TEK: variants seen among roughly 807,000 people sequenced by gnomAD.
TEK encodes TEK receptor tyrosine kinase.
Under a neutral mutation model 131.8 loss-of-function variants are expected in TEK, and 43 were observed. The ratio of observed to expected loss-of-function variants is 0.33; its 90% CI spans 0.26 to 0.42. TEK has a LOEUF of 0.42. Ranked by LOEUF, TEK falls within the 10% of genes least tolerant of loss-of-function variation. The probability of loss-of-function intolerance (pLI) is 1.00; values close to 1 mark genes in which losing one functional copy is unlikely to be tolerated. For synonymous variants in TEK, 580 were observed against 491.6 expected (o/e 1.18, Z -2.38); for missense variants, 1,162 against 1,384.4 (o/e 0.84, Z 2.55).
intron 8 of TEK, among the ~76,000 whole-genome samples, chr9:27,184,790 T>G (rs965517624): frequency 1.3e-5 from 2 of 152,090 alleles, no homozygotes; most frequent in Non-Finnish European, 2.9e-5. Context: ...GCAATCCCAG[T>G]GCTTTGGAAG....
Position 27,213,372 on chromosome 9 carries a change from G to T in TEK, c.2878-112G>T. On this transcript the variant is annotated intron_variant, in intron 17 of 22. Coordinates refer to ENST00000380036, the MANE Select transcript of TEK (RefSeq NM_000459.5). ...AGGGGAACTTTAAGGGAACTGGATT[G>T]TGACTGTTTAAAATCCTTTTTTATA... 1.4e-5 allele frequency: 11 copies of T among 773,502 alleles called. No individual in the cohort carries two copies. In the South Asian group the frequency reaches 1.6e-4, roughly 11 times the overall value. 47.9% of individuals were successfully genotyped at this position (773,502 alleles called of 1,614,324 possible). A position where few individuals can be genotyped will look rare whatever the true frequency, so the allele number is the denominator to read the frequency against.
intron 1 of TEK, among the ~76,000 whole-genome samples, chr9:27,145,612 T>C (rs1416170448): frequency 6.6e-6 from 1 of 152,254 alleles, no homozygotes; most frequent in Admixed American, 6.5e-5. Context: ...ACCAAAGTTC[T>C]TAATGACTCC....
intron 21 of TEK, among the ~76,000 whole-genome samples, chr9:27,221,400 C>T (rs1398896409): frequency 6.6e-6 from 1 of 152,234 alleles, no homozygotes; most frequent in Non-Finnish European, 1.5e-5. Flanking sequence ...GTGGATCTCC[C>T]AGCACAGCAC....
Position 27,229,274 on chromosome 9 carries a change from T to C in TEK, c.*42T>C. ...ACCCTCTGTTTCCCTTTCACTGGCA[T>C]GGGAGACCCTTGACACCTGCTGAGA... On this transcript the variant is annotated 3_prime_UTR_variant, in exon 23 of 23. Coordinates refer to ENST00000380036, the MANE Select transcript of TEK (RefSeq NM_000459.5). 6.3e-7 allele frequency: 1 copy of C among 1,585,024 alleles called. No homozygotes were observed. Among genetic ancestry groups the C allele is most frequent in the Non-Finnish European group, 8.7e-7 (1 of 1,153,678 alleles).
At chr9:27,135,795 A>G (rs1447034624) in intron 1 of TEK, among the ~76,000 whole-genome samples, 2 of 152,136 alleles carry the variant, frequency 1.3e-5, no homozygotes, top group Non-Finnish European at 2.9e-5. Context: ...GATCTGAGAT[A>G]GGCATAGCAC....
chr9:27,109,581 T>C lies in TEK; in HGVS notation c.-10T>C, dbSNP rs370191539. 56 of 1,614,106 alleles carry C rather than the reference T, an allele frequency of 3.5e-5. No individual in the cohort carries two copies. The highest frequency in any genetic ancestry group is 3.1e-4 in the African/African-American group (23 of 75,036). On this transcript the variant is annotated 5_prime_UTR_variant, in exon 1 of 23. Coordinates refer to ENST00000380036, the MANE Select transcript of TEK (RefSeq NM_000459.5). Reference sequence around the variant, plus strand: ...ATTTGTGGAAACTGGATGGAGAGATTTGGGGAAGCATGGACTCTTTAGCCA... The same window carrying C: ...ATTTGTGGAAACTGGATGGAGAGATCTGGGGAAGCATGGACTCTTTAGCCA...
rs117030379 is a variant in TEK at position 27,144,597 on chromosome 9, A to C, written c.53-13234A>C. The stretch of plus-strand genomic sequence containing the variant: ...ATGTTTATCTGTCGTTTGGAAGCAC[A>C]CAGGATTTTTTTTTTAATTGAGGCG... On this transcript the variant is annotated intron_variant, in intron 1 of 22. Coordinates refer to ENST00000380036, the MANE Select transcript of TEK (RefSeq NM_000459.5). 3.9e-5 allele frequency among the ~76,000 whole-genome samples: 6 copies of C among 152,328 alleles called. No individual in the cohort carries two copies. The East Asian group carries it at 1.2e-3, about 29-fold the overall frequency.
At chr9:27,125,623 G>A (rs938391491) in intron 1 of TEK, among the ~76,000 whole-genome samples, 2 of 152,176 alleles carry the variant, frequency 1.3e-5, no homozygotes, top group African/African-American at 2.4e-5. Flanking sequence ...GTGACCTTGG[G>A]TAAGTTGTTT....
intron 14 of TEK, among the ~76,000 whole-genome samples, chr9:27,206,111 A>G: frequency 6.6e-6 from 1 of 152,376 alleles, no homozygotes; most frequent in African/African-American, 2.4e-5. Context: ...TCTAAGCCTT[A>G]CTACGAGAGA....
intron 19 of TEK, 128 bp from the exon 20 acceptor site, chr9:27,218,649 T>C: frequency 1.1e-6 from 1 of 903,180 alleles, no homozygotes; most frequent in East Asian, 2.5e-5. Context: ...TGCAAGGGCC[T>C]ATCCTAGGAT....
intron 1 of TEK, among the ~76,000 whole-genome samples, chr9:27,143,682 T>C (rs966153589): frequency 6.6e-6 from 1 of 152,196 alleles, no homozygotes; most frequent in East Asian, 1.9e-4. Flanking sequence ...TATATATATA[T>C]GTACACACGC....
At chr9:27,173,740 T>G (rs1328308518) in intron 6 of TEK, among the ~76,000 whole-genome samples, 3 of 74,248 alleles carry the variant, frequency 4.0e-5, no homozygotes, top group Admixed American at 1.7e-4. Context: ...TTTTTTGGTT[T>G]TTTTTTTTTT....
intron 1 of TEK, among the ~76,000 whole-genome samples, chr9:27,131,298 C>T (rs1297595015): frequency 6.6e-6 from 1 of 151,044 alleles, no homozygotes; most frequent in Non-Finnish European, 1.5e-5. Context: ...CCTGGCCTGG[C>T]CAACATGGTA....
chr9:27,190,496 A>G (rs1824777528), intron 9 of TEK, 33 bp from the exon 10 acceptor site: 3 of 1,613,542 alleles, frequency 1.9e-6, no homozygotes, highest in Non-Finnish European at 2.5e-6. Flanking sequence ...CTCAAAGCCG[A>G]AGGACTAATC....
intron 1 of TEK, among the ~76,000 whole-genome samples, chr9:27,139,322 A>T (rs1587505810): frequency 3.5e-5 from 3 of 86,922 alleles, no homozygotes; most frequent in South Asian, 6.3e-4. Context: ...AGCTTTAACA[A>T]TTTTTTTTTT....
At chr9:27,213,279 G>T (rs1297343071) in intron 17 of TEK, among the ~76,000 whole-genome samples, 1 of 152,040 alleles carries the variant, frequency 6.6e-6, no homozygotes, top group Non-Finnish European at 1.5e-5. Flanking sequence ...TTATTTGTTC[G>T]TTTTCTGAAA....
At chr9:27,139,627 A>G (rs1001737199) in intron 1 of TEK, among the ~76,000 whole-genome samples, 11 of 151,940 alleles carry the variant, frequency 7.2e-5, no homozygotes, top group Non-Finnish European at 1.6e-4. Flanking sequence ...CCTGGCTGAC[A>G]GCTTTATGAT....
chr9:27,182,222 C>T (rs918174300), intron 7 of TEK, among the ~76,000 whole-genome samples: 1 of 152,142 alleles, frequency 6.6e-6, no homozygotes, highest in Non-Finnish European at 1.5e-5. Context: ...GACAGGTTAA[C>T]CAGGGTGTCA....
At chr9:27,176,521 G>C (rs1173761351) in intron 6 of TEK, among the ~76,000 whole-genome samples, 1 of 152,212 alleles carries the variant, frequency 6.6e-6, no homozygotes, top group Non-Finnish European at 1.5e-5. Flanking sequence ...TGAGTAAGAA[G>C]TTGTGATTAA....
Sources: allele counts gnomAD v4.1 joint callset (sites outside exome capture counted in the v4.1 genomes callset), GRCh38; gene constraint gnomAD v4.1.1; transcripts MANE v1.5; gene names NCBI Gene and HGNC (gene_info 2026-07-23, HGNC 2026-07-21).